RALYL: variants seen among roughly 807,000 people sequenced by gnomAD.
RALYL encodes the protein RALY RNA binding protein like, also known as RNA-binding Raly-like protein.
Under a neutral mutation model 35.1 loss-of-function variants are expected in RALYL, and 29 were observed. The ratio of observed to expected loss-of-function variants is 0.83; its 90% CI spans 0.61 to 1.13. The LOEUF (loss-of-function observed/expected upper bound fraction) is 1.13. Among genes scored for constraint, RALYL ranks in the 50% most tolerant of loss-of-function variants. The probability of loss-of-function intolerance (pLI) is 0.00; values close to 1 mark genes in which losing one functional copy is unlikely to be tolerated. For synonymous variants in RALYL, 120 were observed against 127.6 expected (o/e 0.94, Z 0.40); for missense variants, 359 against 360.4 (o/e 1.00, Z 0.03).
intron 1 of RALYL, among the ~76,000 whole-genome samples, chr8:84,219,843 G>A (rs1821751956): frequency 6.6e-6 from 1 of 151,292 alleles, no homozygotes; most frequent in South Asian, 2.1e-4. Context: ...CTCTTAAAAG[G>A]TAATGATAAC....
intron 1 of RALYL, among the ~76,000 whole-genome samples, chr8:84,482,170 T>C (rs2054116073): frequency 6.6e-6 from 1 of 152,012 alleles, no homozygotes; most frequent in African/African-American, 2.4e-5. Flanking sequence ...AAATAATAAA[T>C]TGATGAGTAG....
At chr8:84,752,140 T>A (rs538725452) in intron 2 of RALYL, among the ~76,000 whole-genome samples, 6 of 152,260 alleles carry the variant, frequency 3.9e-5, no homozygotes, top group African/African-American at 1.4e-4. Context: ...CAGATGGAGA[T>A]GAGGAGCTTA....
intron 1 of RALYL, among the ~76,000 whole-genome samples, chr8:84,489,794 A>G (rs1314527741): frequency 6.6e-6 from 1 of 152,034 alleles, no homozygotes; most frequent in East Asian, 1.9e-4. Context: ...TGGAAATTCC[A>G]TGTTAAGGAC....
At chr8:84,606,813 C>A (rs1031098626) in intron 2 of RALYL, among the ~76,000 whole-genome samples, 2 of 152,052 alleles carry the variant, frequency 1.3e-5, no homozygotes, top group Non-Finnish European at 2.9e-5. Flanking sequence ...ATATACCATA[C>A]ATATATTTGT....
chr8:84,911,665 A>G (rs1204573398), intron 8 of RALYL, among the ~76,000 whole-genome samples: 1 of 151,908 alleles, frequency 6.6e-6, no homozygotes, highest in Non-Finnish European at 1.5e-5. Context: ...GTCCCACAAG[A>G]CCACCCTTCC....
intron 1 of RALYL, among the ~76,000 whole-genome samples, chr8:84,218,565 C>A (rs917555818): frequency 2.0e-5 from 3 of 151,986 alleles, no homozygotes; most frequent in Admixed American, 2.0e-4. Flanking sequence ...GTAAATAATG[C>A]AGACTGATAT....
intron 1 of RALYL, among the ~76,000 whole-genome samples, chr8:84,248,843 A>G (rs1486817335): frequency 1.3e-5 from 2 of 152,148 alleles, no homozygotes; most frequent in Non-Finnish European, 2.9e-5. Flanking sequence ...CTTTTGAGTT[A>G]CAGAATATAA....
intron 1 of RALYL, among the ~76,000 whole-genome samples, chr8:84,392,143 ACTTT>A (rs1860842910): frequency 6.6e-6 from 1 of 152,022 alleles, no homozygotes; most frequent in Non-Finnish European, 1.5e-5. Context: ...TATAGCCTCA[ACTTT>A]CTTTCAGTTT....
chr8:84,419,731 A>G (rs1166786833), intron 1 of RALYL, among the ~76,000 whole-genome samples: 2 of 123,708 alleles, frequency 1.6e-5, no homozygotes, highest in African/African-American at 6.4e-5. Context: ...AGAGTGTGAT[A>G]TTCCCCTTCC....
intron 1 of RALYL, among the ~76,000 whole-genome samples, chr8:84,417,962 A>C (rs1450334458): frequency 6.6e-6 from 1 of 152,190 alleles, no homozygotes; most frequent in African/African-American, 2.4e-5. Flanking sequence ...ACCTACTTGA[A>C]GACATAGAGA....
At chr8:84,793,005 AC>A (rs1821151506) in intron 3 of RALYL, among the ~76,000 whole-genome samples, 1 of 152,212 alleles carries the variant, frequency 6.6e-6, no homozygotes, top group Non-Finnish European at 1.5e-5. Context: ...AAGCAACTGG[AC>A]ATATGAAGTT....
intron 2 of RALYL, among the ~76,000 whole-genome samples, chr8:84,731,088 CAACT>C (rs1846091612): frequency 6.6e-6 from 1 of 152,084 alleles, no homozygotes; most frequent in Admixed American, 6.6e-5. Flanking sequence ...TGTAAACTAA[CAACT>C]AAGCCACTTG....
At chr8:84,389,241 T>G (rs1860012384) in intron 1 of RALYL, among the ~76,000 whole-genome samples, 1 of 152,206 alleles carries the variant, frequency 6.6e-6, no homozygotes, top group South Asian at 2.1e-4. Context: ...TTTTGGTTAC[T>G]GTAGCCTTGT....
chr8:84,561,192 T>A (rs747191726), intron 2 of RALYL, among the ~76,000 whole-genome samples: 13 of 152,082 alleles, frequency 8.5e-5, no homozygotes, highest in Non-Finnish European at 1.6e-4. Flanking sequence ...CATTTTCTTC[T>A]ATAAATGGCA....
chr8:84,517,939 C>T (rs1413352907), intron 1 of RALYL, among the ~76,000 whole-genome samples: 1 of 152,128 alleles, frequency 6.6e-6, no homozygotes, highest in African/African-American at 2.4e-5. Flanking sequence ...GCCTAAATAA[C>T]TGCCAAAAGT....
chr8:84,710,981 T>C (rs73298128), intron 2 of RALYL, among the ~76,000 whole-genome samples: 3,129 of 152,184 alleles, frequency 0.021, 119 homozygotes, highest in African/African-American at 0.072. Flanking sequence ...TTTTGGAATG[T>C]GGAGTGAGGA....
intron 4 of RALYL, among the ~76,000 whole-genome samples, chr8:84,849,692 G>A (rs1435288268): frequency 6.6e-6 from 1 of 151,818 alleles, no homozygotes; most frequent in African/African-American, 2.4e-5. Flanking sequence ...CCGTGTAGCT[G>A]GGACTACAGG....
chr8:84,919,233 A>G (rs182055159), intron 8 of RALYL, among the ~76,000 whole-genome samples: 1 of 152,108 alleles, frequency 6.6e-6, no homozygotes, highest in African/African-American at 2.4e-5. Context: ...GTGCAATTGC[A>G]ATCATATAAA....
chr8:84,619,892 T>C (rs1346031680), intron 2 of RALYL, among the ~76,000 whole-genome samples: 3 of 151,150 alleles, frequency 2.0e-5, no homozygotes, highest in African/African-American at 7.3e-5. Flanking sequence ...GGTTGAAAAT[T>C]CTTTTCTTTA....
Sources: allele counts gnomAD v4.1 joint callset (sites outside exome capture counted in the v4.1 genomes callset), GRCh38; gene constraint gnomAD v4.1.1; transcripts MANE v1.5; gene names NCBI Gene and HGNC (gene_info 2026-07-23, HGNC 2026-07-21).